The following CRADD variants were observed in gnomAD, a reference collection of about 807,000 sequenced individuals.
CRADD encodes the protein death domain-containing protein CRADD.
A neutral mutation model predicts 15.5 loss-of-function variants in CRADD; 9 were observed. The ratio of observed to expected loss-of-function variants is 0.58; its 90% confidence interval spans 0.35 to 1.01. The LOEUF is 1.01. Ranked by LOEUF, CRADD falls within the 50% of genes least tolerant of loss-of-function variation. CRADD has a pLI of 0.02. For missense variants in CRADD, 227 were observed against 250.3 expected, an observed-to-expected ratio of 0.91 and a Z score of 0.63; for synonymous variants, 118 against 107.6, an observed-to-expected ratio of 1.10 and a Z score of -0.60.
chr12:93,888,848 A>C (rs1314688369), intron 2 of CRADD, among the ~76,000 whole-genome samples: 2 of 152,178 alleles, frequency 1.3e-5, no homozygotes, highest in Non-Finnish European at 2.9e-5. Flanking sequence ...GTAGGGAAGC[A>C]GTCAAGAATG....
intron 2 of CRADD, among the ~76,000 whole-genome samples, chr12:93,769,205 C>T (rs1857661011): frequency 6.6e-6 from 1 of 152,076 alleles, no homozygotes; most frequent in African/African-American, 2.4e-5. Context: ...AGTTAGCCGC[C>T]TGAGTAGCTG....
chr12:93,850,524 T>A lies in CRADD; in HGVS notation c.*253T>A, dbSNP rs1958206493. ...TGCATTGTTGTAATTGTTCAGTTTT[T>A]AAATGTGTAATGGCATTTTAATAGA... On this transcript the variant is annotated 3_prime_UTR_variant, in exon 3 of 3. Transcript: ENST00000332896. This position sits in a 1 kb window ranked among gnomAD's most constrained non-coding sequence, Gnocchi z 4.0. 3.3e-6 allele frequency: 4 copies of A among 1,202,298 alleles called. No individual in the cohort carries two copies. The allele number at this position is 1,202,298 out of a possible 1,614,324, so 74.5% of individuals were successfully genotyped here.
intron 2 of CRADD, among the ~76,000 whole-genome samples, chr12:93,765,379 C>G (rs1957016601): frequency 6.6e-6 from 1 of 152,100 alleles, no homozygotes; most frequent in African/African-American, 2.4e-5. Context: ...TTACACTGCT[C>G]TTTAGAGTGC....
intron 2 of CRADD, among the ~76,000 whole-genome samples, chr12:93,757,816 TA>T (rs557243170): frequency 6.6e-6 from 1 of 152,170 alleles, no homozygotes; most frequent in African/African-American, 2.4e-5. Context: ...GTAGATAGTT[TA>T]AAAAAATTCC....
intron 2 of CRADD, among the ~76,000 whole-genome samples, chr12:93,880,650 A>AAC (rs1341934850): frequency 6.6e-6 from 1 of 151,914 alleles, no homozygotes; most frequent in Non-Finnish European, 1.5e-5. Flanking sequence ...TCCCCGGTAC[A>AAC]TCCCAACCCC....
chr12:93,839,512 C>G (rs1958023097), intron 2 of CRADD, among the ~76,000 whole-genome samples: 1 of 152,208 alleles, frequency 6.6e-6, no homozygotes, highest in African/African-American at 2.4e-5. Context: ...TTCAATTTTA[C>G]CCACACTGCC....
intron 2 of CRADD, among the ~76,000 whole-genome samples, chr12:93,689,405 G>T (rs1955513639): frequency 6.6e-6 from 1 of 152,122 alleles, no homozygotes; most frequent in African/African-American, 2.4e-5. Flanking sequence ...AGTTTAAGCA[G>T]TAAGGAGTGT....
Position 93,679,065 on chromosome 12 carries a change from G to A in CRADD, c.291G>A (p.Leu97=). ...KKAREEAMTD[L]PAGDRLTGIP... ...CAAGGGAAGAGGCCATGACCGACCT[G>A]CCTGCAGGTAGGCCTCAGAAAGATC... Residue 97 remains leucine, a synonymous_variant, in exon 2 of 3, where the codon CTG becomes CTA. Coordinates refer to ENST00000332896, the MANE Select transcript of CRADD (RefSeq NM_003805.5). 2 of 1,611,866 alleles carry A rather than the reference G, an allele frequency of 1.2e-6. No homozygotes were observed. The highest frequency in any genetic ancestry group is 1.1e-5 in the South Asian group (1 of 90,986).
At chr12:93,777,413 GT>G (rs1957152258) in intron 2 of CRADD, among the ~76,000 whole-genome samples, 1 of 152,186 alleles carries the variant, frequency 6.6e-6, no homozygotes, top group Admixed American at 6.5e-5. Context: ...GGCAGTAATA[GT>G]TTCCTTTGCT....
chr12:93,734,676 C>G (rs901156201), intron 2 of CRADD, among the ~76,000 whole-genome samples: 2 of 152,202 alleles, frequency 1.3e-5, no homozygotes, highest in Non-Finnish European at 2.9e-5. Context: ...CTTCCCAGCT[C>G]TGTCTCCGGA....
chr12:93,813,025 G>A (rs1237011997), intron 2 of CRADD, among the ~76,000 whole-genome samples: 1 of 152,148 alleles, frequency 6.6e-6, no homozygotes, highest in African/African-American at 2.4e-5. Flanking sequence ...GGGAAGAAAA[G>A]GCAGGAAATA....
chr12:93,804,473 A>G (rs183728880), intron 2 of CRADD, among the ~76,000 whole-genome samples: 46 of 152,278 alleles, frequency 3.0e-4, no homozygotes, highest in Non-Finnish European at 5.9e-5. Flanking sequence ...TGACATACCC[A>G]GACTATGAGA....
intron 2 of CRADD, among the ~76,000 whole-genome samples, chr12:93,889,049 T>G (rs1958557840): frequency 6.6e-6 from 1 of 151,954 alleles, no homozygotes; most frequent in Admixed American, 6.6e-5. Context: ...GAGATCCAGA[T>G]GGGTTGTGGA....
At chr12:93,864,605 G>T (rs1040171113) in intron 2 of CRADD, among the ~76,000 whole-genome samples, 1 of 152,182 alleles carries the variant, frequency 6.6e-6, no homozygotes, top group Non-Finnish European at 1.5e-5. Context: ...GGGTCACTTG[G>T]CATTTGCCTC....
intron 2 of CRADD, among the ~76,000 whole-genome samples, chr12:93,832,152 T>G (rs1461410999): frequency 6.6e-6 from 1 of 152,202 alleles, no homozygotes; most frequent in African/African-American, 2.4e-5. Flanking sequence ...ATTCTTAATA[T>G]GTCAATCACC....
chr12:93,684,309 TC>T (rs1360593660), intron 2 of CRADD, among the ~76,000 whole-genome samples: 3 of 152,180 alleles, frequency 2.0e-5, no homozygotes, highest in Non-Finnish European at 4.4e-5. Context: ...ATGAAACTGT[TC>T]CACCTTAGAT....
At chr12:93,856,097 C>T (rs547126073) in intron 2 of CRADD, among the ~76,000 whole-genome samples, 11 of 152,338 alleles carry the variant, frequency 7.2e-5, no homozygotes, top group African/African-American at 1.7e-4. Context: ...TGAGCCACTG[C>T]GCCCGGCCCA....
downstream of CRADD, among the ~76,000 whole-genome samples, chr12:93,855,730 A>T (rs184454640): frequency 6.6e-6 from 1 of 152,356 alleles, no homozygotes; most frequent in African/African-American, 2.4e-5. Flanking sequence ...ATTCCATGAG[A>T]TGAAAGGTAT....
intron 2 of CRADD, among the ~76,000 whole-genome samples, chr12:93,736,697 G>A (rs911001172): frequency 6.6e-6 from 1 of 152,152 alleles, no homozygotes; most frequent in African/African-American, 2.4e-5. Flanking sequence ...TTATGATATA[G>A]AGGCCAGATT....
Sources: gnomAD v4.1 joint callset for allele counts (sites outside exome capture counted in the v4.1 genomes callset) on GRCh38, gnomAD v4.1.1 for gene constraint, Gnocchi (gnomAD v3.1) non-coding constraint, MANE v1.5 for transcripts, NCBI Gene and HGNC (gene_info 2026-07-23, HGNC 2026-07-21) for gene names.